PCDHGA2: variants seen among roughly 807,000 people sequenced by gnomAD.
The protein encoded by PCDHGA2 is protocadherin gamma-A2.
PCDHGA2 carries 40 observed loss-of-function variants against 59.2 expected under a neutral mutation model. The ratio of observed to expected loss-of-function variants is 0.68; its 90% CI spans 0.52 to 0.88. The LOEUF is 0.88. Ranked by LOEUF, PCDHGA2 falls within the 40% of genes least tolerant of loss-of-function variation. The pLI, the probability that PCDHGA2 is intolerant of heterozygous loss-of-function variation, is 0.00. For synonymous variants in PCDHGA2, 560 were observed against 526.0 expected, an observed-to-expected ratio of 1.06 and a Z score of -0.89; for missense variants, 1,226 against 1,204.0, an observed-to-expected ratio of 1.02 and a Z score of -0.27.
At position 141,339,101 on chromosome 5, in the gene PCDHGA2, T is replaced by C; in HGVS notation, c.130T>C (p.Phe44Leu). Residue 44 changes from phenylalanine to leucine, a missense_variant, in exon 1 of 4, where the codon TTC becomes CTC. Coordinates refer to ENST00000394576, the MANE Select transcript of PCDHGA2 (RefSeq NM_018915.4). ...GCGGGAAGAGATCGACAGAGGCTCC[T>C]TCGTAGGCAACATCGCCAAGGACTT... ...SVREEIDRGS[F>L]VGNIAKDLGL... 1 of 1,614,232 alleles carries C rather than the reference T, an allele frequency of 6.2e-7. No homozygotes were observed. Among genetic ancestry groups the C allele is most frequent in the Non-Finnish European group, 8.5e-7 (1 of 1,180,036 alleles).
chr5:141,360,595 C>G, intron 1 of PCDHGA2: 2 of 1,614,022 alleles, frequency 1.2e-6, no homozygotes, highest in Non-Finnish European at 1.7e-6. Context: ...AACATTTCCA[C>G]TTGACCCAGC....
chr5:141,400,780 T>C, intron 1 of PCDHGA2: 1 of 566,270 alleles, frequency 1.8e-6, no homozygotes, highest in Non-Finnish European at 3.1e-6. Context: ...TGGTGCGTTT[T>C]TTTGTCCTCT....
chr5:141,415,368 T>C (rs762653261), intron 1 of PCDHGA2: 1 of 1,614,244 alleles, frequency 6.2e-7, no homozygotes, highest in Non-Finnish European at 8.5e-7. Context: ...TGCTGCAGGC[T>C]TCAGGAGGCG....
At chr5:141,400,227 C>A (rs760084071) in intron 1 of PCDHGA2, 2 of 1,614,052 alleles carry the variant, frequency 1.2e-6, no homozygotes, top group Non-Finnish European at 1.7e-6. Flanking sequence ...TGCTCTTCCT[C>A]CTGGCCGTGA....
intron 3 of PCDHGA2, among the ~76,000 whole-genome samples, chr5:141,510,660 G>A (rs2099882170): frequency 1.3e-5 from 2 of 152,174 alleles, no homozygotes; most frequent in East Asian, 1.9e-4. Context: ...TTTTGCAGAT[G>A]AGAAAACTGA....
At chr5:141,418,629 C>T in intron 1 of PCDHGA2, 1 of 1,614,014 alleles carries the variant, frequency 6.2e-7, no homozygotes, top group Non-Finnish European at 8.5e-7. Context: ...GACGTGCCTC[C>T]AGGCACCTCC....
At position 141,352,422 on chromosome 5, in the gene PCDHGA2, G is replaced by T. The variant is rs191134866; in HGVS notation, c.2424+11027G>T. Reference sequence around the variant, plus strand: ...CGTTCCTCCAGCCTCGACACTGAGGGCTGCTTTCAAACCGGTCTCTGCTCC... The same window carrying T: ...CGTTCCTCCAGCCTCGACACTGAGGTCTGCTTTCAAACCGGTCTCTGCTCC... On this transcript the variant is annotated intron_variant, in intron 1 of 3. Coordinates refer to ENST00000394576, the MANE Select transcript of PCDHGA2 (RefSeq NM_018915.4). 2.1e-4 allele frequency: 340 copies of T among 1,614,054 alleles called. 1 individual carries two copies. The African/African-American group carries it at 3.3e-3, about 16-fold the overall frequency.
intron 1 of PCDHGA2, chr5:141,410,177 A>C (rs2095365763): frequency 1.2e-6 from 2 of 1,613,626 alleles, no homozygotes; most frequent in Non-Finnish European, 1.7e-6. Flanking sequence ...TGCCACCGCC[A>C]CGCTTCATCT....
At chr5:141,393,534 G>GA in intron 1 of PCDHGA2, 1 of 1,613,928 alleles carries the variant, frequency 6.2e-7, no homozygotes, top group Non-Finnish European at 8.5e-7. Flanking sequence ...CAATGCCCCG[G>GA]TTTTTCCTCA....
At position 141,408,408 on chromosome 5, in the gene PCDHGA2, G is replaced by A. The variant is rs376957467; in HGVS notation, c.2424+67013G>A. On this transcript the variant is annotated intron_variant, in intron 1 of 3. Coordinates refer to ENST00000394576, the MANE Select transcript of PCDHGA2 (RefSeq NM_018915.4). The stretch of plus-strand genomic sequence containing the variant: ...GTGTCGGCTCGCAAGCTGCGAGTGA[G>A]CGCGGAGAAGCTGCACTTCAGCGTA... 5 of 1,614,080 alleles carry A rather than the reference G, an allele frequency of 3.1e-6. No homozygotes were observed. The Admixed American group carries it at 5.0e-5, about 16-fold the overall frequency.
At chr5:141,386,989 G>A (rs1354556956) in intron 1 of PCDHGA2, among the ~76,000 whole-genome samples, 1 of 152,156 alleles carries the variant, frequency 6.6e-6, no homozygotes, top group East Asian at 1.9e-4. Context: ...TTGAGGCTAT[G>A]TATTATCCCC....
intron 1 of PCDHGA2, among the ~76,000 whole-genome samples, chr5:141,492,760 C>T (rs991820569): frequency 1.3e-5 from 2 of 152,212 alleles, no homozygotes; most frequent in Admixed American, 1.3e-4. Context: ...CAGGGCTCCG[C>T]GTTGGGCGAG....
intron 1 of PCDHGA2, chr5:141,371,927 C>T (rs750914672): frequency 1.9e-6 from 3 of 1,613,208 alleles, no homozygotes. Context: ...GCGCGCGGAG[C>T]GGGGTGGTGT....
chr5:141,370,215 C>T (rs1430823989), intron 1 of PCDHGA2: 3 of 566,618 alleles, frequency 5.3e-6, no homozygotes, highest in East Asian at 5.9e-5. Flanking sequence ...TTGGCTCCTC[C>T]CGCTGCAGCC....
chr5:141,419,515 G>T, intron 1 of PCDHGA2: 1 of 1,612,264 alleles, frequency 6.2e-7, no homozygotes, highest in Non-Finnish European at 8.5e-7. Flanking sequence ...GCGTGTTGGT[G>T]GGCGACCGTA....
intron 1 of PCDHGA2, chr5:141,423,007 G>A: frequency 6.2e-7 from 1 of 1,614,242 alleles, no homozygotes; most frequent in Non-Finnish European, 8.5e-7. Flanking sequence ...CAAGGTGGTT[G>A]CGGTGGACAA....
chr5:141,366,198 C>G (rs187196267), intron 1 of PCDHGA2: 1 of 1,613,774 alleles, frequency 6.2e-7, no homozygotes, highest in Non-Finnish European at 8.5e-7. Context: ...GGGCTGCACA[C>G]GGGCGAGGTG....
At chr5:141,353,676 G>A (rs116401360) in intron 1 of PCDHGA2, among the ~76,000 whole-genome samples, 3,945 of 152,034 alleles carry the variant, frequency 0.026, 75 homozygotes, top group Non-Finnish European at 0.038. Flanking sequence ...TGAACATTTG[G>A]GTTTATAAAG....
intron 1 of PCDHGA2, chr5:141,379,315 A>T (rs1364362567): frequency 1.3e-5 from 2 of 152,242 alleles, no homozygotes; most frequent in Non-Finnish European, 2.9e-5. Context: ...TAAACAAGAG[A>T]TCTAATCATA....
Sources: gnomAD v4.1 joint callset for allele counts (sites outside exome capture counted in the v4.1 genomes callset) on GRCh38, gnomAD v4.1.1 for gene constraint, MANE v1.5 for transcripts, NCBI Gene and HGNC (gene_info 2026-07-23, HGNC 2026-07-21) for gene names.